GPM6A: variants seen among roughly 807,000 people sequenced by gnomAD.
GPM6A encodes the protein glycoprotein M6A, also known as neuronal membrane glycoprotein M6-a.
A neutral mutation model predicts 32.1 loss-of-function variants in GPM6A; 7 were observed. That is an observed-to-expected ratio of 0.22 (90% CI 0.12 to 0.41). The LOEUF is 0.41. Among genes scored for constraint, GPM6A ranks in the 10% least tolerant of loss-of-function variants. The probability of loss-of-function intolerance (pLI) is 1.00; values close to 1 mark genes in which losing one functional copy is unlikely to be tolerated. For synonymous variants in GPM6A, 130 were observed against 123.4 expected, an observed-to-expected ratio of 1.05 and a Z score of -0.35; for missense variants, 235 against 347.2, an observed-to-expected ratio of 0.68 and a Z score of 2.57.
At chr4:175,700,779 T>C (rs918920360) in intron 2 of GPM6A, among the ~76,000 whole-genome samples, 5 of 152,128 alleles carry the variant, frequency 3.3e-5, no homozygotes, top group African/African-American at 1.2e-4. Flanking sequence ...ACAAACAAAC[T>C]AATAAATTAT....
intron 1 of GPM6A, among the ~76,000 whole-genome samples, chr4:175,861,664 T>A (rs1245737221): frequency 6.9e-6 from 1 of 144,862 alleles, no homozygotes; most frequent in East Asian, 2.1e-4. Flanking sequence ...GGCATGAGAA[T>A]CACTTGAATC....
intron 1 of GPM6A, among the ~76,000 whole-genome samples, chr4:175,879,476 G>T (rs182745024): frequency 1.7e-4 from 26 of 152,242 alleles, no homozygotes; most frequent in African/African-American, 6.0e-4. Context: ...ACTCTTCACA[G>T]GGCGGCAGGA....
chr4:175,969,301 G>T (rs1740428242), intron 1 of GPM6A, among the ~76,000 whole-genome samples: 1 of 152,136 alleles, frequency 6.6e-6, no homozygotes, highest in South Asian at 2.1e-4. Flanking sequence ...TTAGGGCAGT[G>T]AGACTATTCT....
chr4:175,877,859 C>A (rs150032023), intron 1 of GPM6A, among the ~76,000 whole-genome samples: 143 of 152,242 alleles, frequency 9.4e-4, no homozygotes, highest in Non-Finnish European at 1.5e-3. Flanking sequence ...GTCTCCTCTA[C>A]GACAAGGCAA....
At chr4:175,863,560 G>A (rs890650852) in intron 1 of GPM6A, among the ~76,000 whole-genome samples, 5 of 152,078 alleles carry the variant, frequency 3.3e-5, no homozygotes, top group South Asian at 4.1e-4. Context: ...GAGTCTTGGC[G>A]TGAGCATATG....
Position 175,953,672 on chromosome 4 carries a change from T to TG in GPM6A, c.-23+48636dup, listed in dbSNP as rs563260039. Among the ~76,000 whole-genome samples the TG allele has an allele frequency of 2.1e-4, 32 of 152,130 alleles. No individual in the cohort carries two copies. In the South Asian group the frequency reaches 6.0e-3, roughly 29 times the overall value. ...ATTCCAGCACTTTGGGAGGCCGAGG[T>TG]GGGCGGATCACCTAAGGTCGGGATC... On this transcript the variant is annotated intron_variant, in intron 1 of 7. Coordinates refer to the GPM6A transcript ENST00000280187.
rs542131976 is a variant in GPM6A, at chr4:175,804,308, T to A, written c.37+7883A>T. 2.6e-5 allele frequency among the ~76,000 whole-genome samples: 4 copies of A among 152,340 alleles called. No homozygotes were observed. The East Asian group carries it at 7.7e-4, about 29-fold the overall frequency. On this transcript the variant is annotated intron_variant, in intron 1 of 6. Coordinates refer to ENST00000393658, the MANE Select transcript of GPM6A (RefSeq NM_201591.3). Reference sequence around the variant, plus strand: ...ATGCCCTTATTGTGGGAAAAATAAATTTTTAACTAGAAAAATGGAGAAATC... The same window carrying A: ...ATGCCCTTATTGTGGGAAAAATAAAATTTTAACTAGAAAAATGGAGAAATC...
intron 1 of GPM6A, 42 bp downstream of exon 1, chr4:175,812,149 A>C: frequency 7.0e-7 from 1 of 1,438,834 alleles, no homozygotes; most frequent in Non-Finnish European, 9.6e-7. Context: ...GGAAACTGCA[A>C]AATAATTACT....
intron 1 of GPM6A, among the ~76,000 whole-genome samples, chr4:175,856,676 C>T (rs1418041522): frequency 6.6e-6 from 1 of 152,126 alleles, no homozygotes; most frequent in Non-Finnish European, 1.5e-5. Context: ...AGGATTTTTA[C>T]TGAGCGATGG....
intron 4 of GPM6A, among the ~76,000 whole-genome samples, chr4:175,645,025 G>C (rs562660772): frequency 6.4e-4 from 98 of 152,152 alleles, no homozygotes; most frequent in African/African-American, 2.1e-3. Context: ...GCTTGAACCC[G>C]GGAGGTGGAT....
At chr4:175,947,783 T>C (rs1333542316) in intron 1 of GPM6A, 1 of 152,220 alleles carries the variant, frequency 6.6e-6, no homozygotes, top group Non-Finnish European at 1.5e-5. Flanking sequence ...GGGCTGAGTA[T>C]ATTTTTCAAG....
chr4:175,945,814 A>T (rs935368303), intron 1 of GPM6A, among the ~76,000 whole-genome samples: 4 of 150,356 alleles, frequency 2.7e-5, no homozygotes, highest in Admixed American at 2.6e-4. Flanking sequence ...CGTACAACTC[A>T]GTAATACGGG....
chr4:175,896,463 C>A (rs1235158591), intron 1 of GPM6A, among the ~76,000 whole-genome samples: 2 of 152,092 alleles, frequency 1.3e-5, no homozygotes, highest in African/African-American at 4.8e-5. Flanking sequence ...GACATGTCTG[C>A]CCCCTTTGAA....
chr4:175,983,066 A>G (rs1740865667), intron 1 of GPM6A, among the ~76,000 whole-genome samples: 1 of 152,168 alleles, frequency 6.6e-6, no homozygotes, highest in Admixed American at 6.5e-5. Context: ...TGCAGGCTGC[A>G]TCCCTGGTAT....
chr4:175,747,269 C>CAAAAAAAA (rs5864346), intron 1 of GPM6A, among the ~76,000 whole-genome samples: 1 of 109,518 alleles, frequency 9.1e-6, no homozygotes, highest in Admixed American at 1.0e-4. Context: ...ACTCCATCTC[C>CAAAAAAAA]AAAAAAAAAA....
chr4:175,688,495 T>G (rs1411161300), intron 2 of GPM6A, among the ~76,000 whole-genome samples: 2 of 152,194 alleles, frequency 1.3e-5, no homozygotes, highest in Non-Finnish European at 2.9e-5. Context: ...AATTCGGTGA[T>G]AGTATATGCT....
chr4:175,936,223 G>A (rs186776856), intron 1 of GPM6A, among the ~76,000 whole-genome samples: 7 of 140,612 alleles, frequency 5.0e-5, no homozygotes, highest in East Asian at 4.4e-4. Context: ...GGAGAATGGC[G>A]TAAACCCGGG....
chr4:175,676,434 G>A (rs963940054), intron 2 of GPM6A, among the ~76,000 whole-genome samples: 4 of 152,156 alleles, frequency 2.6e-5, no homozygotes, highest in Admixed American at 6.5e-5. Context: ...CCACTAGAAC[G>A]ATATCTGACA....
rs116779380 is a variant in GPM6A at position 175,676,773 on chromosome 4, A to G, written c.231-2937T>C. ...TGTAAAAAATGTGAAAGGAAAAAAA[A>G]GGAAGTAATTTAATCATTAAATTAA... On this transcript the variant is annotated intron_variant, in intron 2 of 6. Transcript: ENST00000393658. Among the ~76,000 whole-genome samples the G allele has an allele frequency of 2.6e-3, 392 of 152,318 alleles. 5 individuals are homozygous for G. Among genetic ancestry groups the G allele is most frequent in the African/African-American group, 9.1e-3 (377 of 41,580 alleles).
Sources: gnomAD v4.1 joint callset for allele counts (sites outside exome capture counted in the v4.1 genomes callset) on GRCh38, gnomAD v4.1.1 for gene constraint, MANE v1.5 for transcripts, NCBI Gene and HGNC (gene_info 2026-07-23, HGNC 2026-07-21) for gene names.